The following ARID4B variants were observed in gnomAD, a reference collection of about 807,000 sequenced individuals.
ARID4B encodes the protein AT-rich interaction domain 4B, also known as AT-rich interactive domain-containing protein 4B.
In ARID4B, 26 loss-of-function variants were observed where a neutral mutation model predicts 147.5. The ratio of observed to expected loss-of-function variants is 0.18; its 90% CI spans 0.13 to 0.24. The LOEUF is 0.24. ARID4B is among the 10% of genes least tolerant of loss of function. ARID4B has a pLI of 1.00. For missense variants in ARID4B, 1,179 were observed against 1,511.5 expected (o/e 0.78, Z 3.65); for synonymous variants, 512 against 507.9 (o/e 1.01, Z -0.11).
intron 2 of ARID4B, chr1:235,296,325 T>C (rs1672703544): frequency 6.6e-6 from 1 of 152,612 alleles, no homozygotes; most frequent in Admixed American, 6.5e-5. Context: ...CCAACAAAAT[T>C]GGGATCATCT....
chr1:235,222,634 T>C (rs752234668), intron 13 of ARID4B, among the ~76,000 whole-genome samples: 3 of 151,966 alleles, frequency 2.0e-5, no homozygotes, highest in Non-Finnish European at 4.4e-5. Flanking sequence ...TTATGAAAGA[T>C]TGACCAATTT....
chr1:235,174,496 G>T (rs527354824), intron 22 of ARID4B, among the ~76,000 whole-genome samples: 1 of 152,018 alleles, frequency 6.6e-6, no homozygotes, highest in East Asian at 1.9e-4. Context: ...CAGAGTATTG[G>T]CATGAAGAGT....
intron 6 of ARID4B, among the ~76,000 whole-genome samples, chr1:235,247,041 TA>T (rs1240217765): frequency 6.6e-6 from 1 of 152,206 alleles, no homozygotes; most frequent in Non-Finnish European, 1.5e-5. Context: ...CCTTTTTTAA[TA>T]AAATGTAACA....
chr1:235,187,722 A>G (rs1664792681), intron 19 of ARID4B, among the ~76,000 whole-genome samples: 2 of 152,328 alleles, frequency 1.3e-5, no homozygotes, highest in South Asian at 4.1e-4. Flanking sequence ...ACATACACAT[A>G]TGCATTCATA....
rs1021974297 is a variant in ARID4B, at chr1:235,257,898, T to C, written c.118-673A>G. Among the ~76,000 whole-genome samples, 6 of 152,190 alleles carry C rather than the reference T, an allele frequency of 3.9e-5. No homozygotes were observed. The East Asian group carries it at 1.2e-3, about 29-fold the overall frequency. On this transcript the variant is annotated intron_variant, in intron 3 of 23. Coordinates refer to ENST00000264183, the MANE Select transcript of ARID4B (RefSeq NM_016374.6). ...TTAGGCTATTAGGTATTATATCATT[T>C]TGTGAAGGCCTACCTTAATAATAAA...
At chr1:235,191,181 G>C (rs986610746) in intron 19 of ARID4B, among the ~76,000 whole-genome samples, 4 of 151,770 alleles carry the variant, frequency 2.6e-5, no homozygotes, top group African/African-American at 9.7e-5. Context: ...AATATATATA[G>C]AGTAGTCTGC....
chr1:235,309,508 G>A (rs1673882222), intron 2 of ARID4B, among the ~76,000 whole-genome samples: 1 of 148,044 alleles, frequency 6.8e-6, no homozygotes, highest in African/African-American at 2.5e-5. Context: ...GGAAAGTGAG[G>A]AGCCCCTCTG....
intron 2 of ARID4B, among the ~76,000 whole-genome samples, chr1:235,285,681 T>TA (rs1671928351): frequency 6.6e-6 from 1 of 152,202 alleles, no homozygotes; most frequent in Admixed American, 6.5e-5. Flanking sequence ...CATGATCCGC[T>TA]ACCAAGGAAA....
chr1:235,194,058 G>C lies in ARID4B; in HGVS notation c.2080C>G (p.His694Asp), dbSNP rs1453255158. The change falls in exon 19 of 24, where the codon CAT becomes GAT. Residue 694 changes from histidine (H) to aspartate (D), a missense_variant. By Grantham distance (81) the His-to-Asp change is moderately conservative. Around this residue, in one of 10 missense-constraint regions of ARID4B, gnomAD observed 321 missense variants for 342.4 expected, o/e 0.94. Coordinates refer to ENST00000264183, the MANE Select transcript of ARID4B (RefSeq NM_016374.6). ...LTDAKNSDTA[H>D]IKSIEITSIL... is the part of the protein sequence containing the mutation. ...GAAGTAATTTCTATGGACTTAATAT[G>C]AGCAGTATCAGAGTTTTTGGCATCA... 6.2e-7 allele frequency: 1 copy of C among 1,612,130 alleles called. No individual in the cohort carries two copies. The highest frequency in any genetic ancestry group is 8.5e-7 in the Non-Finnish European group (1 of 1,178,450).
At chr1:235,268,521 C>T (rs1423621630) in intron 2 of ARID4B, among the ~76,000 whole-genome samples, 5 of 152,008 alleles carry the variant, frequency 3.3e-5, no homozygotes, top group Non-Finnish European at 7.4e-5. Flanking sequence ...TAGCCTACAT[C>T]TTGATTTATT....
At chr1:235,321,247 T>A (rs954119525) in intron 2 of ARID4B, among the ~76,000 whole-genome samples, 1 of 152,182 alleles carries the variant, frequency 6.6e-6, no homozygotes, top group Non-Finnish European at 1.5e-5. Context: ...TTTACAAGAT[T>A]ACCTATTCAT....
chr1:235,316,122 G>C (rs957520867), intron 2 of ARID4B, among the ~76,000 whole-genome samples: 1 of 152,072 alleles, frequency 6.6e-6, no homozygotes, highest in Non-Finnish European at 1.5e-5. Flanking sequence ...TGTTTCCATG[G>C]ATCAAAGGCT....
intron 2 of ARID4B, among the ~76,000 whole-genome samples, chr1:235,269,918 T>C (rs1364289108): frequency 6.6e-6 from 1 of 152,196 alleles, no homozygotes; most frequent in African/African-American, 2.4e-5. Flanking sequence ...TCTTTCTGAA[T>C]TGCTCATTTT....
At chr1:235,274,004 T>C (rs1444206625) in intron 2 of ARID4B, among the ~76,000 whole-genome samples, 2 of 152,164 alleles carry the variant, frequency 1.3e-5, no homozygotes, top group East Asian at 3.8e-4. Context: ...ACGCTGGTTG[T>C]AAAACATAAA....
At chr1:235,246,891 T>C (rs1176387887) in intron 6 of ARID4B, among the ~76,000 whole-genome samples, 1 of 152,094 alleles carries the variant, frequency 6.6e-6, no homozygotes, top group Non-Finnish European at 1.5e-5. Context: ...AATATTAATT[T>C]GTACATGGGG....
chr1:235,309,465 G>A (rs1328795468), intron 2 of ARID4B, among the ~76,000 whole-genome samples: 2 of 148,828 alleles, frequency 1.3e-5, no homozygotes, highest in Admixed American at 1.3e-4. Context: ...CCATCCGGGA[G>A]GTAAGGGGCG....
At chr1:235,178,388 G>C (rs1664038787) in intron 20 of ARID4B, among the ~76,000 whole-genome samples, 1 of 151,916 alleles carries the variant, frequency 6.6e-6, no homozygotes, top group African/African-American at 2.4e-5. Flanking sequence ...ATTCATACTT[G>C]GTTCTTTTTT....
At chr1:235,254,116 C>T (rs913221073) in intron 5 of ARID4B, among the ~76,000 whole-genome samples, 4 of 152,120 alleles carry the variant, frequency 2.6e-5, no homozygotes, top group African/African-American at 9.7e-5. Context: ...AGACTTCCTA[C>T]ATAGAATTGC....
At chr1:235,185,319 T>G (rs1465811513) in intron 19 of ARID4B, among the ~76,000 whole-genome samples, 1 of 152,250 alleles carries the variant, frequency 6.6e-6, no homozygotes, top group Non-Finnish European at 1.5e-5. Context: ...GCATTTTATT[T>G]TTCCAAGAGT....
Sources: gnomAD v4.1 joint callset for allele counts (sites outside exome capture counted in the v4.1 genomes callset) on GRCh38, gnomAD v4.1.1 for gene constraint, gnomAD v4.1.1 regional missense constraint, MANE v1.5 for transcripts, NCBI Gene and HGNC (gene_info 2026-07-23, HGNC 2026-07-21) for gene names.